The following PARVA variants were observed in gnomAD, a reference collection of about 807,000 sequenced individuals.
PARVA encodes alpha-parvin.
In PARVA, 25 loss-of-function variants were observed where a neutral mutation model predicts 52.6. That is an observed-to-expected ratio of 0.48 (90% CI 0.35 to 0.66). The LOEUF (loss-of-function observed/expected upper bound fraction) is 0.66, where lower values mean the gene tolerates loss of function less well. PARVA is among the 30% of genes least tolerant of loss of function. The pLI is 0.01. For synonymous variants in PARVA, 185 were observed against 179.1 expected, an observed-to-expected ratio of 1.03 and a Z score of -0.26; for missense variants, 373 against 450.9, an observed-to-expected ratio of 0.83 and a Z score of 1.56.
chr11:12,511,671 G>A (rs1941504237), intron 8 of PARVA, 138 bp downstream of exon 8: 1 of 849,162 alleles, frequency 1.2e-6, no homozygotes, highest in East Asian at 2.6e-5. Flanking sequence ...ATGGCCAATT[G>A]GGTTGGGAGG....
Position 12,496,504 on chromosome 11 carries a change from A to C in PARVA, c.447A>C (p.Ser149=), listed in dbSNP as rs1323147254. 1.9e-6 allele frequency: 3 copies of C among 1,609,528 alleles called. No homozygotes were observed. Among genetic ancestry groups the C allele is most frequent in the Non-Finnish European group, 2.5e-6 (3 of 1,177,992 alleles). Residue 149 remains serine, a synonymous_variant, in exon 5 of 13, where the codon TCA becomes TCC. Coordinates refer to ENST00000334956, the MANE Select transcript of PARVA (RefSeq NM_018222.5). ...TAAATGTGGCTGAGGTCACCCAGTC[A>C]GAGATTGCTCAGAAGCAAAAACTGC... ...EKLNVAEVTQ[S]EIAQKQKLQT...
intron 1 of PARVA, among the ~76,000 whole-genome samples, chr11:12,468,998 C>T (rs1991320): frequency 0.82 from 124,588 of 152,080 alleles, 51,360 homozygotes; most frequent in Admixed American, 0.88. Context: ...AAACCAATAG[C>T]GGCTTTACCT....
chr11:12,459,817 A>G (rs1940752050), intron 1 of PARVA, among the ~76,000 whole-genome samples: 1 of 152,148 alleles, frequency 6.6e-6, no homozygotes, highest in Non-Finnish European at 1.5e-5. Flanking sequence ...CAGTAGGATT[A>G]TTTTCTCTTT....
At chr11:12,418,260 C>T (rs1235673645) in intron 1 of PARVA, among the ~76,000 whole-genome samples, 3 of 152,190 alleles carry the variant, frequency 2.0e-5, no homozygotes, top group African/African-American at 7.2e-5. Context: ...CTCCCAGTCC[C>T]TGGGTGGGTG....
At chr11:12,376,747 A>G (rs1939394714), upstream of PARVA, 1 of 983,726 alleles carries the variant, frequency 1.0e-6, no homozygotes, top group South Asian at 4.7e-5. Flanking sequence ...AAGCTCAATA[A>G]CACGTGCCTT....
chr11:12,477,059 T>C (rs1351374758), intron 3 of PARVA: 1 of 152,062 alleles, frequency 6.6e-6, no homozygotes, highest in Non-Finnish European at 1.5e-5. Flanking sequence ...GGGATTAAAC[T>C]ACTGTGCACA....
In PARVA at chr11:12,477,441, G is replaced by C. The variant is rs148035684; in HGVS notation, c.298-406G>C. On this transcript the variant is annotated intron_variant, in intron 3 of 12. Transcript: ENST00000334956. ...ACACTGTGAGTGTTGCTTGCCATTA[G>C]AGTAAGGAATAATAGGGGACATAGA... Among the ~76,000 whole-genome samples the C allele has an allele frequency of 3.3e-4, 50 of 152,270 alleles. No individual in the cohort carries two copies. The East Asian group carries it at 9.3e-3, about 28-fold the overall frequency.
chr11:12,426,765 C>T (rs1018096531), intron 1 of PARVA, among the ~76,000 whole-genome samples: 1 of 151,970 alleles, frequency 6.6e-6, no homozygotes. Flanking sequence ...TGCCTGACCA[C>T]CACAAGATTA....
Position 12,421,125 on chromosome 11 carries a change from G to C in PARVA, c.136+43342G>C, listed in dbSNP as rs1940143357. 4.0e-5 allele frequency among the ~76,000 whole-genome samples: 6 copies of C among 150,190 alleles called. No individual in the cohort carries two copies. The Admixed American group carries it at 4.0e-4, about 10-fold the overall frequency. The stretch of plus-strand genomic sequence containing the variant: ...CGGAGCTTGCCATTATGGATTGCTA[G>C]GCATGAGATGGACAAGGTGGTGGGC... On this transcript the variant is annotated intron_variant, in intron 1 of 12. Transcript: ENST00000334956.
chr11:12,392,035 C>A (rs1939666444), intron 1 of PARVA, among the ~76,000 whole-genome samples: 1 of 152,054 alleles, frequency 6.6e-6, no homozygotes, highest in South Asian at 2.1e-4. Flanking sequence ...ATTTCCTAAC[C>A]CCAAGTTGTC....
At chr11:12,517,542 TG>T in intron 10 of PARVA, 67 bp from the exon 11 acceptor site, 1 of 1,180,728 alleles carries the variant, frequency 8.5e-7, no homozygotes, top group Non-Finnish European at 1.2e-6. Flanking sequence ...CAGAAGTTGA[TG>T]GGCCCCCTGG....
chr11:12,513,174 C>T lies in PARVA; in HGVS notation c.737-125C>T, dbSNP rs765306566. On this transcript the variant is annotated intron_variant, in intron 8 of 12. Transcript: ENST00000334956. Reference sequence around the variant, plus strand: ...CCAGAGTTCCCGGCACAGTCTATACCCCAGAGGCTTCCCATCGGTAGTTGA... The same window carrying T: ...CCAGAGTTCCCGGCACAGTCTATACTCCAGAGGCTTCCCATCGGTAGTTGA... 5 of 805,548 alleles carry T rather than the reference C, an allele frequency of 6.2e-6. No homozygotes were observed. The South Asian group carries it at 6.7e-5, about 11-fold the overall frequency. 49.9% of individuals were successfully genotyped at this position (805,548 alleles called of 1,614,324 possible).
rs1412904244 is a variant in PARVA at position 12,528,220 on chromosome 11, CAA to C, written c.*298_*299del. ...TCCATGATTTGGGAACCAGCTTAGG[CAA>C]AAGAGTCCCCACAAGATGAAAATAA... On this transcript the variant is annotated 3_prime_UTR_variant, in exon 13 of 13. Coordinates refer to ENST00000334956, the MANE Select transcript of PARVA (RefSeq NM_018222.5). The C allele has an allele frequency of 8.7e-6, 4 of 459,484 alleles. No individual in the cohort carries two copies. The highest frequency in any genetic ancestry group is 1.6e-5 in the Non-Finnish European group (4 of 253,590). The allele number at this position is 459,484 out of a possible 1,614,324, so 28.5% of individuals were successfully genotyped here.
At chr11:12,433,458 G>A (rs537368368) in intron 1 of PARVA, among the ~76,000 whole-genome samples, 69 of 152,274 alleles carry the variant, frequency 4.5e-4, no homozygotes, top group African/African-American at 1.6e-3. Context: ...CCCAGCACTT[G>A]AGAGTATTTC....
chr11:12,382,735 T>G (rs531844920), intron 1 of PARVA, among the ~76,000 whole-genome samples: 1 of 152,350 alleles, frequency 6.6e-6, no homozygotes, highest in Non-Finnish European at 1.5e-5. Context: ...CAATTGGATT[T>G]CTGGTTCAAC....
intron 1 of PARVA, among the ~76,000 whole-genome samples, chr11:12,433,088 T>TA (rs1298979544): frequency 6.6e-6 from 1 of 152,146 alleles, no homozygotes; most frequent in Non-Finnish European, 1.5e-5. Flanking sequence ...AAGAATAAAA[T>TA]ACACCCGAAC....
intron 4 of PARVA, among the ~76,000 whole-genome samples, chr11:12,490,840 G>C (rs1166253430): frequency 6.6e-6 from 1 of 152,118 alleles, no homozygotes; most frequent in Admixed American, 6.6e-5. Flanking sequence ...TGAGGTCTTT[G>C]TATTGTTTAG....
In PARVA at chr11:12,504,219, C is replaced by CT. The variant is rs1941398607; in HGVS notation, c.542-94dup. ...TTGGGCAGGGACAAATATCCAAACT[C>CT]TATCAGTGGGGTACTACTACACTTT... On this transcript the variant is annotated intron_variant, in intron 5 of 12. Transcript: ENST00000334956. The CT allele has an allele frequency of 1.2e-5, 8 of 693,250 alleles. No homozygotes were observed. The Admixed American group carries it at 1.6e-4, about 14-fold the overall frequency. The allele number at this position is 693,250 out of a possible 1,614,324, so 42.9% of individuals were successfully genotyped here.
At chr11:12,410,577 C>T (rs572352365) in intron 1 of PARVA, among the ~76,000 whole-genome samples, 4 of 152,326 alleles carry the variant, frequency 2.6e-5, no homozygotes, top group East Asian at 1.9e-4. Context: ...CATTCTCTCT[C>T]GTTGCTTCTC....
Sources: allele counts gnomAD v4.1 joint callset (sites outside exome capture counted in the v4.1 genomes callset), GRCh38; gene constraint gnomAD v4.1.1; transcripts MANE v1.5; gene names NCBI Gene and HGNC (gene_info 2026-07-23, HGNC 2026-07-21).